Variants in SNAP29 observed in about 807,000 individuals in gnomAD.
The protein encoded by SNAP29 is synaptosomal-associated protein 29.
A neutral mutation model predicts 27.9 loss-of-function variants in SNAP29; 13 were observed. That is an observed-to-expected ratio of 0.47 (90% CI 0.30 to 0.74). The LOEUF (loss-of-function observed/expected upper bound fraction) is 0.74. Ranked by LOEUF, SNAP29 falls within the 30% of genes least tolerant of loss-of-function variation. The probability of loss-of-function intolerance (pLI) is 0.06; values close to 1 mark genes in which losing one functional copy is unlikely to be tolerated. For synonymous variants in SNAP29, 119 were observed against 127.1 expected (o/e 0.94, Z 0.43); for missense variants, 368 against 336.5 (o/e 1.09, Z -0.73).
intron 1 of SNAP29, among the ~76,000 whole-genome samples, chr22:20,865,804 T>C (rs1328785913): frequency 6.6e-6 from 1 of 151,994 alleles, no homozygotes; most frequent in African/African-American, 2.4e-5. Flanking sequence ...CCCCATGGAG[T>C]CATGTGGACA....
rs1929092356 is a variant in SNAP29 at position 20,889,097 on chromosome 22, T to C, written c.*1261T>C. 6.6e-6 allele frequency: 1 copy of C among 152,178 alleles called. No homozygotes were observed. Among genetic ancestry groups the C allele is most frequent in the South Asian group, 2.1e-4 (1 of 4,832 alleles). 9.4% of individuals were successfully genotyped at this position (152,178 alleles called of 1,614,324 possible). A position where few individuals can be genotyped will look rare whatever the true frequency, so the allele number is the denominator to read the frequency against. On this transcript the variant is annotated 3_prime_UTR_variant, in exon 5 of 5. Transcript: ENST00000215730. ...TGTCTTTTTAAAAAAACAAAATATT[T>C]TGAAGATGGTGAAAGTGACTGATTT...
chr22:20,887,637 G>A (rs779161477), intron 4 of SNAP29, 42 bp from the exon 5 acceptor site: 1 of 1,612,774 alleles, frequency 6.2e-7, no homozygotes, highest in Non-Finnish European at 8.5e-7. Context: ...CAGGTGCCGT[G>A]ACTGTTTGCT....
At chr22:20,876,058 G>A (rs930914088) in intron 2 of SNAP29, among the ~76,000 whole-genome samples, 2 of 151,696 alleles carry the variant, frequency 1.3e-5, no homozygotes. Flanking sequence ...CTGCTTGGGA[G>A]GCTGAGGCAG....
chr22:20,890,116 G>A lies in SNAP29; in HGVS notation c.*2280G>A, dbSNP rs543535379. The stretch of plus-strand genomic sequence containing the variant: ...CTGTCCGTAAGCTACAGGACAGCGA[G>A]CTGGTCCTTTCTGCCACTTCTTCCC... On this transcript the variant is annotated 3_prime_UTR_variant, in exon 5 of 5. Transcript: ENST00000215730. 8.7e-4 allele frequency: 344 copies of A among 396,376 alleles called. 4 individuals are homozygous for A. The East Asian group carries it at 0.012, about 14-fold the overall frequency. 24.6% of individuals were successfully genotyped at this position (396,376 alleles called of 1,614,324 possible). A position where few individuals can be genotyped will look rare whatever the true frequency, so the allele number is the denominator to read the frequency against.
rs200192716 is a variant in SNAP29, at chr22:20,876,197, G to A, written c.435-4852G>A. On this transcript the variant is annotated intron_variant, in intron 2 of 4. Transcript: ENST00000215730. ...AATAAATTGTGAGTAAAATTTTTGT[G>A]ATCCTGTCAAAACCTTTAATCCATA... Among the ~76,000 whole-genome samples the A allele has an allele frequency of 3.2e-4, 48 of 148,212 alleles. No individual in the cohort carries two copies. The East Asian group carries it at 8.9e-3, about 28-fold the overall frequency.
chr22:20,859,206 C>T lies in SNAP29; in HGVS notation c.96C>T (p.Pro32=), dbSNP rs1456824044. The change falls in exon 1 of 5, where the codon CCC becomes CCT. Residue 32 remains proline, a synonymous_variant. Transcript: ENST00000215730. ...CTTGGAGGGACGCCCGAGACCTCCCCGACGGGCCCGACGCGCCCGCGGACA... is the reference window on the plus strand; with the variant it reads ...CTTGGAGGGACGCCCGAGACCTCCCTGACGGGCCCGACGCGCCCGCGGACA... ...PAPWRDARDL[P]DGPDAPADRQ... is the part of the protein sequence containing the mutation. The T allele has an allele frequency of 3.1e-6, 5 of 1,601,898 alleles. No individual in the cohort carries two copies. The highest frequency in any genetic ancestry group is 4.3e-6 in the Non-Finnish European group (5 of 1,175,540).
intron 4 of SNAP29, among the ~76,000 whole-genome samples, chr22:20,886,949 C>T (rs1929030842): frequency 1.3e-5 from 2 of 151,976 alleles, no homozygotes; most frequent in South Asian, 2.1e-4. Flanking sequence ...TTTGGCCGGG[C>T]GCGGTGGCTC....
Position 20,887,911 on chromosome 22 carries a change from T to G in SNAP29, c.*75T>G. The G allele has an allele frequency of 2.2e-6, 3 of 1,385,516 alleles. No individual in the cohort carries two copies. Among genetic ancestry groups the G allele is most frequent in the Non-Finnish European group, 3.1e-6 (3 of 980,360 alleles). 85.8% of individuals were successfully genotyped at this position (1,385,516 alleles called of 1,614,324 possible). On this transcript the variant is annotated 3_prime_UTR_variant, in exon 5 of 5. Coordinates refer to ENST00000215730, the MANE Select transcript of SNAP29 (RefSeq NM_004782.4). ...TTTTTGAACTTCCAAGAAATTTCAT[T>G]TACTATTTTAGTATGTAAATTAATG...
rs770993363 is a variant in SNAP29 at position 20,859,353 on chromosome 22, C to A, written c.237+6C>A. On this transcript the variant is annotated splice_donor_region_variant and intron_variant, in intron 1 of 4. Transcript: ENST00000215730. ...TTGGGGTCGCCTCTTCCGAGGTGAG[C>A]CTGGGGCAGGGCTGGTGTGGACTCG... The A allele has an allele frequency of 1.3e-6, 2 of 1,593,046 alleles. No homozygotes were observed. Among genetic ancestry groups the A allele is most frequent in the African/African-American group, 1.3e-5 (1 of 74,620 alleles).
chr22:20,862,392 C>G (rs1409908146), intron 1 of SNAP29, among the ~76,000 whole-genome samples: 1 of 152,126 alleles, frequency 6.6e-6, no homozygotes, highest in African/African-American at 2.4e-5. Flanking sequence ...GAGGGATGTT[C>G]TTAGGGAAGA....
chr22:20,876,725 G>A (rs547768284), intron 2 of SNAP29, among the ~76,000 whole-genome samples: 2 of 151,992 alleles, frequency 1.3e-5, no homozygotes, highest in African/African-American at 2.4e-5. Flanking sequence ...CCGCCACCAC[G>A]CCCGGCTAAA....
At chr22:20,883,696 C>T in intron 4 of SNAP29, 127 bp downstream of exon 4, 1 of 726,396 alleles carries the variant, frequency 1.4e-6, no homozygotes, top group Non-Finnish European at 2.5e-6. Flanking sequence ...CCACGCCAAG[C>T]TGGGTCCATC....
intron 2 of SNAP29, among the ~76,000 whole-genome samples, chr22:20,875,189 G>A (rs1928710327): frequency 6.6e-6 from 1 of 152,126 alleles, no homozygotes; most frequent in South Asian, 2.1e-4. Flanking sequence ...AGTGAGGTGG[G>A]CTTTGTCTCT....
At chr22:20,876,005 C>CA (rs1928735269) in intron 2 of SNAP29, among the ~76,000 whole-genome samples, 2 of 151,710 alleles carry the variant, frequency 1.3e-5, no homozygotes, top group South Asian at 2.1e-4. Context: ...ACTAAAAATA[C>CA]AAAAAATTAG....
At chr22:20,867,693 C>T (rs1268538720) in intron 1 of SNAP29, among the ~76,000 whole-genome samples, 2 of 152,240 alleles carry the variant, frequency 1.3e-5, no homozygotes, top group African/African-American at 4.8e-5. Context: ...AAGCCACCCT[C>T]ACAGACTTCT....
chr22:20,862,550 C>T lies in SNAP29; in HGVS notation c.237+3203C>T, dbSNP rs138906679. ...CATAGGGAAAGTTCTGGTCTCATAG[C>T]GCAGGAGAGGCAAAAATGTAATAGT... On this transcript the variant is annotated intron_variant, in intron 1 of 4. Transcript: ENST00000215730. 2.5e-3 allele frequency among the ~76,000 whole-genome samples: 384 copies of T among 152,196 alleles called. 1 individual carries two copies. Among genetic ancestry groups the T allele is most frequent in the African/African-American group, 8.7e-3 (361 of 41,514 alleles).
intron 1 of SNAP29, among the ~76,000 whole-genome samples, chr22:20,867,540 C>CT (rs1569115893): frequency 6.6e-6 from 1 of 152,182 alleles, no homozygotes; most frequent in Non-Finnish European, 1.5e-5. Flanking sequence ...CCTCTGCCTT[C>CT]TGGGGGTGGA....
chr22:20,875,899 G>T (rs146448294), intron 2 of SNAP29, among the ~76,000 whole-genome samples: 1,920 of 152,008 alleles, frequency 0.013, 20 homozygotes, highest in Admixed American at 0.02. Flanking sequence ...AGTGGCTCAC[G>T]CCTGTAATCC....
At position 20,870,306 on chromosome 22, in the gene SNAP29, C is replaced by T. The variant is rs376360684; in HGVS notation, c.238-31C>T. ...TGCCCTGGGGGAGAGTCACAGAAAGCTATAATGCCACTGCCTCTCGGTTTC... is the reference window on the plus strand; with the variant it reads ...TGCCCTGGGGGAGAGTCACAGAAAGTTATAATGCCACTGCCTCTCGGTTTC... On this transcript the variant is annotated intron_variant, in intron 1 of 4. Transcript: ENST00000215730. The T allele has an allele frequency of 1.9e-6, 3 of 1,609,536 alleles. No individual in the cohort carries two copies. The African/African-American group carries it at 4.0e-5, about 22-fold the overall frequency.
Sources: allele counts gnomAD v4.1 joint callset (sites outside exome capture counted in the v4.1 genomes callset), GRCh38; gene constraint gnomAD v4.1.1; transcripts MANE v1.5; gene names NCBI Gene and HGNC (gene_info 2026-07-23, HGNC 2026-07-21).